The following CELF1 variants were observed in gnomAD, a reference collection of about 807,000 sequenced individuals.
CELF1 encodes the protein 50 kDa nuclear polyadenylated RNA-binding protein.
CELF1 carries 10 observed loss-of-function variants against 61.8 expected under a neutral mutation model. That is an observed-to-expected ratio of 0.16 (90% CI 0.10 to 0.27). The LOEUF (loss-of-function observed/expected upper bound fraction) is 0.27, where lower values mean the gene tolerates loss of function less well. CELF1 is among the 10% of genes least tolerant of loss of function. The probability of loss-of-function intolerance (pLI) is 1.00; values close to 1 mark genes in which losing one functional copy is unlikely to be tolerated. For synonymous variants in CELF1, 236 were observed against 225.1 expected, an observed-to-expected ratio of 1.05 and a Z score of -0.43; for missense variants, 380 against 639.1, an observed-to-expected ratio of 0.59 and a Z score of 4.37.
At chr11:47,533,237 A>G (rs118125106) in intron 1 of CELF1, among the ~76,000 whole-genome samples, 2,269 of 152,314 alleles carry the variant, frequency 0.015, 30 homozygotes, top group South Asian at 0.054. Flanking sequence ...CTGTAATACC[A>G]GCAATTTGGG....
intron 1 of CELF1, among the ~76,000 whole-genome samples, chr11:47,519,913 T>C (rs2095793157): frequency 1.3e-5 from 2 of 149,296 alleles, no homozygotes; most frequent in Non-Finnish European, 3.0e-5. Context: ...ACTTAAATCA[T>C]CTGTCACATC....
intron 3 of CELF1, among the ~76,000 whole-genome samples, chr11:47,493,436 A>G (rs1200972238): frequency 3.5e-5 from 5 of 143,532 alleles, no homozygotes; most frequent in Non-Finnish European, 7.5e-5. Context: ...TGAACCCGGG[A>G]GGCGGAGACT....
chr11:47,474,091 G>A (rs2078928477), intron 13 of CELF1, among the ~76,000 whole-genome samples: 1 of 152,106 alleles, frequency 6.6e-6, no homozygotes, highest in Non-Finnish European at 1.5e-5. Flanking sequence ...TAGCGATGGG[G>A]TTTCACCATG....
chr11:47,487,486 A>G (rs2153465854), intron 4 of CELF1, among the ~76,000 whole-genome samples: 1 of 152,332 alleles, frequency 6.6e-6, no homozygotes, highest in African/African-American at 2.4e-5. Context: ...TTAGCTGCTC[A>G]TGTAACTTCT....
intron 3 of CELF1, among the ~76,000 whole-genome samples, chr11:47,490,336 C>CTAT: frequency 6.6e-6 from 1 of 151,932 alleles, no homozygotes; most frequent in East Asian, 1.9e-4. Flanking sequence ...ATATCTAGCA[C>CTAT]TATTAGCTTT....
At chr11:47,546,148 G>A (rs1197066590) in intron 1 of CELF1, among the ~76,000 whole-genome samples, 1 of 150,574 alleles carries the variant, frequency 6.6e-6, no homozygotes, top group African/African-American at 2.4e-5. Context: ...CTGACCTTGT[G>A]ATCTGCCTGC....
At chr11:47,534,191 G>C (rs981403127) in intron 1 of CELF1, among the ~76,000 whole-genome samples, 6 of 151,088 alleles carry the variant, frequency 4.0e-5, no homozygotes, top group African/African-American at 1.5e-4. Context: ...ACCATGCCCG[G>C]CTAATATTTT....
intron 1 of CELF1, among the ~76,000 whole-genome samples, chr11:47,538,173 A>G (rs545598450): frequency 6.6e-6 from 1 of 152,158 alleles, no homozygotes. Context: ...TCAGCCTCCT[A>G]AAGTGCTGGT....
intron 1 of CELF1, among the ~76,000 whole-genome samples, chr11:47,522,297 A>G (rs1313233399): frequency 5.5e-4 from 81 of 146,252 alleles, no homozygotes; most frequent in East Asian, 2.1e-3. Context: ...AGGCCAAGGC[A>G]GGTGGATCAC....
intron 2 of CELF1, among the ~76,000 whole-genome samples, chr11:47,563,030 A>G (rs1179380854): frequency 6.6e-6 from 1 of 151,908 alleles, no homozygotes; most frequent in Non-Finnish European, 1.5e-5. Flanking sequence ...CAGTTTGGGC[A>G]ACATAGTGAG....
intron 9 of CELF1, among the ~76,000 whole-genome samples, chr11:47,482,207 AAAATAAAT>A (rs55860292): frequency 5.2e-4 from 78 of 150,314 alleles, no homozygotes; most frequent in Admixed American, 8.6e-4. Context: ...TCCGTCTCAA[AAAATAAAT>A]AAATAAATAA....
At chr11:47,536,494 C>CA (rs1432835960) in intron 1 of CELF1, among the ~76,000 whole-genome samples, 1 of 152,094 alleles carries the variant, frequency 6.6e-6, no homozygotes, top group Non-Finnish European at 1.5e-5. Flanking sequence ...TGTGGTGGCT[C>CA]ATGCCTGTAA....
At chr11:47,534,943 T>A (rs553133407) in intron 1 of CELF1, among the ~76,000 whole-genome samples, 1 of 152,194 alleles carries the variant, frequency 6.6e-6, no homozygotes, top group South Asian at 2.1e-4. Flanking sequence ...ACAAGTCTGA[T>A]CTGTGGATCT....
intron 2 of CELF1, among the ~76,000 whole-genome samples, chr11:47,500,017 C>T (rs756745187): frequency 3.3e-5 from 5 of 152,130 alleles, no homozygotes; most frequent in African/African-American, 4.8e-5. Flanking sequence ...TTTAAACTTA[C>T]GTTTCCATGT....
chr11:47,473,078 G>A lies in CELF1; in HGVS notation c.1417+10C>T, dbSNP rs760419352. ...AATCCCATCCTGACACCAGAGAGAA[G>A]CCAACATACCAAAACACTTGCTCAG... On this transcript the variant is annotated intron_variant, in intron 14 of 14. Transcript: ENST00000687097. 1 of 1,613,032 alleles carries A rather than the reference G, an allele frequency of 6.2e-7. No homozygotes were observed. The highest frequency in any genetic ancestry group is 1.1e-5 in the South Asian group (1 of 90,916).
intron 3 of CELF1, among the ~76,000 whole-genome samples, chr11:47,491,077 G>A (rs1262980409): frequency 2.0e-5 from 3 of 151,898 alleles, no homozygotes; most frequent in Admixed American, 6.6e-5. Context: ...GGCCAGGCTG[G>A]TCACAAACTC....
chr11:47,543,510 A>G (rs2096861184), intron 1 of CELF1, among the ~76,000 whole-genome samples: 1 of 152,230 alleles, frequency 6.6e-6, no homozygotes, highest in African/African-American at 2.4e-5. Context: ...GCAGAGGTTA[A>G]AAAATAACTA....
At chr11:47,494,433 G>C (rs944746067) in intron 3 of CELF1, 1 of 982,370 alleles carries the variant, frequency 1.0e-6, no homozygotes, top group Non-Finnish European at 1.2e-6. Flanking sequence ...CTTGATTTCT[G>C]CTGAAACATA....
intron 1 of CELF1, among the ~76,000 whole-genome samples, chr11:47,513,306 T>C (rs1437327246): frequency 6.6e-6 from 1 of 152,252 alleles, no homozygotes; most frequent in Non-Finnish European, 1.5e-5. Context: ...TATCAGACCT[T>C]CAATTGTTGA....
Sources: allele counts gnomAD v4.1 joint callset (sites outside exome capture counted in the v4.1 genomes callset), GRCh38; gene constraint gnomAD v4.1.1; transcripts MANE v1.5; gene names NCBI Gene and HGNC (gene_info 2026-07-23, HGNC 2026-07-21).